The following CHRM3 variants were observed in gnomAD, a reference collection of about 807,000 sequenced individuals.
CHRM3 encodes muscarinic acetylcholine receptor M3.
Under a neutral mutation model 41.8 loss-of-function variants are expected in CHRM3, and 11 were observed. The observed-to-expected ratio is 0.26, with a 90% CI of 0.17 to 0.44. The LOEUF is 0.44. Among genes scored for constraint, CHRM3 ranks in the 20% least tolerant of loss-of-function variants. CHRM3 has a pLI of 1.00. For missense variants in CHRM3, 571 were observed against 745.4 expected, an observed-to-expected ratio of 0.77 and a Z score of 2.72; for synonymous variants, 297 against 301.4, an observed-to-expected ratio of 0.99 and a Z score of 0.15.
chr1:239,484,369 A>G (rs1572456693), intron 1 of CHRM3, among the ~76,000 whole-genome samples: 1 of 152,160 alleles, frequency 6.6e-6, no homozygotes, highest in East Asian at 1.9e-4. Context: ...ACTCATCACC[A>G]AGGGGACGGT....
At chr1:239,401,577 G>A (rs930362244) in intron 1 of CHRM3, among the ~76,000 whole-genome samples, 4 of 151,472 alleles carry the variant, frequency 2.6e-5, no homozygotes, top group East Asian at 1.9e-4. Flanking sequence ...TGCAACCTCC[G>A]CCTTCCGGAT....
At chr1:239,835,744 C>T (rs879356083) in intron 6 of CHRM3, among the ~76,000 whole-genome samples, 4 of 152,148 alleles carry the variant, frequency 2.6e-5, no homozygotes, top group Non-Finnish European at 4.4e-5. Context: ...ATTATTTCTC[C>T]GTGTATGTGT....
chr1:239,425,157 TTAACA>T (rs1411360497), intron 1 of CHRM3, among the ~76,000 whole-genome samples: 1 of 152,210 alleles, frequency 6.6e-6, no homozygotes, highest in Non-Finnish European at 1.5e-5. Flanking sequence ...GTGATAAGAA[TTAACA>T]TTGAATAGGA....
chr1:239,859,827 A>ATATATC (rs1278679609), intron 6 of CHRM3, among the ~76,000 whole-genome samples: 4 of 39,128 alleles, frequency 1.0e-4, no homozygotes, highest in African/African-American at 1.8e-4. Flanking sequence ...TTTTATATAT[A>ATATATC]TATATATATA....
chr1:239,487,793 G>GA (rs141439222), intron 1 of CHRM3, among the ~76,000 whole-genome samples: 2 of 131,250 alleles, frequency 1.5e-5, no homozygotes, highest in South Asian at 2.4e-4. Context: ...GCTTTTTATA[G>GA]AAAAAAAGCT....
At chr1:239,505,586 C>A (rs1335519492) in intron 2 of CHRM3, among the ~76,000 whole-genome samples, 3 of 152,168 alleles carry the variant, frequency 2.0e-5, no homozygotes, top group Non-Finnish European at 4.4e-5. Context: ...GTCCAATAAA[C>A]CTTTTTCTTT....
intron 1 of CHRM3, among the ~76,000 whole-genome samples, chr1:239,473,208 T>A (rs1367584183): frequency 3.2e-5 from 3 of 92,520 alleles, no homozygotes; most frequent in African/African-American, 4.2e-5. Flanking sequence ...AAGGAAGAAA[T>A]ACACCATAAG....
intron 5 of CHRM3, among the ~76,000 whole-genome samples, chr1:239,742,093 T>G (rs1456624978): frequency 1.8e-3 from 1 of 554 alleles, no homozygotes; most frequent in African/African-American, 1.9e-3. Flanking sequence ...CATGCATACG[T>G]TTTTTTTTTT....
At chr1:239,403,547 A>G (rs753112154) in intron 1 of CHRM3, among the ~76,000 whole-genome samples, 5 of 152,244 alleles carry the variant, frequency 3.3e-5, no homozygotes, top group Middle Eastern at 3.4e-3. Context: ...TGTAGATACA[A>G]TGGTTACACT....
chr1:239,656,888 C>A (rs1672767367), intron 4 of CHRM3, among the ~76,000 whole-genome samples: 1 of 152,062 alleles, frequency 6.6e-6, no homozygotes, highest in South Asian at 2.1e-4. Context: ...TAAAAGAGTT[C>A]TTTTCTTCTA....
intron 5 of CHRM3, among the ~76,000 whole-genome samples, chr1:239,695,029 T>G (rs1660054137): frequency 6.6e-6 from 1 of 152,210 alleles, no homozygotes; most frequent in South Asian, 2.1e-4. Context: ...TTTATTTTTT[T>G]GAGACGGAGT....
chr1:239,594,031 A>G (rs955126908), intron 3 of CHRM3, among the ~76,000 whole-genome samples: 1 of 152,260 alleles, frequency 6.6e-6, no homozygotes, highest in Non-Finnish European at 1.5e-5. Flanking sequence ...AGTCTTGTAA[A>G]AAATATAAGC....
At chr1:239,553,351 G>T (rs1660049181) in intron 3 of CHRM3, among the ~76,000 whole-genome samples, 1 of 151,882 alleles carries the variant, frequency 6.6e-6, no homozygotes. Context: ...CATAATTAAA[G>T]ATTTCCCCTA....
At chr1:239,797,595 G>A (rs747960864) in intron 5 of CHRM3, among the ~76,000 whole-genome samples, 21 of 152,140 alleles carry the variant, frequency 1.4e-4, no homozygotes, top group Non-Finnish European at 2.8e-4. Flanking sequence ...GATCTGCCTC[G>A]TTCGTTCCCC....
At chr1:239,650,194 C>T (rs188249500) in intron 4 of CHRM3, among the ~76,000 whole-genome samples, 173 of 151,666 alleles carry the variant, frequency 1.1e-3, no homozygotes, top group African/African-American at 4.1e-3. Flanking sequence ...CCTGCCTCCA[C>T]ACTTCTTCTG....
In CHRM3 at chr1:239,758,430, G is replaced by A. The variant is rs147226074; in HGVS notation, c.-146-68822G>A. Among the ~76,000 whole-genome samples, 918 of 152,186 alleles carry A rather than the reference G, an allele frequency of 6.0e-3. 11 individuals are homozygous for A. Among genetic ancestry groups the A allele is most frequent in the African/African-American group, 0.021 (872 of 41,532 alleles). On this transcript the variant is annotated intron_variant, in intron 5 of 6. Transcript: ENST00000676153. The stretch of plus-strand genomic sequence containing the variant: ...CCTTCCCCACCCCAACAAACAAGGT[G>A]CTATGTAATCATTGTAATGATATTG...
chr1:239,706,723 CAT>C, intron 5 of CHRM3, among the ~76,000 whole-genome samples: 1 of 151,944 alleles, frequency 6.6e-6, no homozygotes, highest in African/African-American at 2.4e-5. Flanking sequence ...TACACATACA[CAT>C]GGAGGCATGC....
intron 5 of CHRM3, among the ~76,000 whole-genome samples, chr1:239,709,488 A>C (rs1260379904): frequency 6.6e-6 from 1 of 152,186 alleles, no homozygotes; most frequent in Non-Finnish European, 1.5e-5. Context: ...CCAGTAGAAT[A>C]AAGTTCCTTT....
chr1:239,755,841 T>G (rs1666197684), intron 5 of CHRM3, among the ~76,000 whole-genome samples: 1 of 152,202 alleles, frequency 6.6e-6, no homozygotes, highest in Non-Finnish European at 1.5e-5. Flanking sequence ...TAGTGTTAAT[T>G]ATAAGACTAA....
Sources: gnomAD v4.1 joint callset for allele counts (sites outside exome capture counted in the v4.1 genomes callset) on GRCh38, gnomAD v4.1.1 for gene constraint, MANE v1.5 for transcripts, NCBI Gene and HGNC (gene_info 2026-07-23, HGNC 2026-07-21) for gene names.